ARHGAP44: variants seen among roughly 807,000 people sequenced by gnomAD.
ARHGAP44 encodes rho GTPase-activating protein 44.
Under a neutral mutation model 106.8 loss-of-function variants are expected in ARHGAP44, and 43 were observed. That is an observed-to-expected ratio of 0.40 (90% confidence interval 0.32 to 0.52). The LOEUF (loss-of-function observed/expected upper bound fraction) is 0.52. Among genes scored for constraint, ARHGAP44 ranks in the 20% least tolerant of loss-of-function variants. ARHGAP44 has a pLI of 0.48. For synonymous variants in ARHGAP44, 439 were observed against 410.3 expected, an observed-to-expected ratio of 1.07 and a Z score of -0.85; for missense variants, 866 against 1,050.5, an observed-to-expected ratio of 0.82 and a Z score of 2.43.
chr17:12,811,875 A>C (rs1011008275), intron 1 of ARHGAP44, among the ~76,000 whole-genome samples: 19 of 152,100 alleles, frequency 1.2e-4, no homozygotes, highest in Admixed American at 3.9e-4. Context: ...CTCCTCTTAA[A>C]AGGGCATATA....
At position 12,974,259 on chromosome 17, in the gene ARHGAP44, C is replaced by G. The variant is rs2039610833; in HGVS notation, c.1712C>G (p.Pro571Arg). The change falls in exon 18 of 21, where the codon CCC (proline) becomes CGC (arginine). Residue 571 changes from proline to arginine, a missense_variant. Around this residue, in one of 2 missense-constraint regions of ARHGAP44, gnomAD observed 418 missense variants for 403.6 expected, o/e 1.04. Coordinates refer to ENST00000379672, the MANE Select transcript of ARHGAP44 (RefSeq NM_014859.6). ...CAGCCCCTGGACAGCCCCGCGGCCC[C>G]CGCGCTCTCTCCATCCGGCCTGGGC... ...PEQPLDSPAAPALSPSGLGLQ... is the reference protein window; with the variant it reads ...PEQPLDSPAARALSPSGLGLQ... 6.6e-7 allele frequency: 1 copy of G among 1,512,122 alleles called. No homozygotes were observed. Among genetic ancestry groups the G allele is most frequent in the Non-Finnish European group, 8.8e-7 (1 of 1,132,676 alleles). The allele number at this position is 1,512,122 out of a possible 1,614,324, so 93.7% of individuals were successfully genotyped here.
At chr17:12,923,473 T>A (rs1406597861) in intron 6 of ARHGAP44, among the ~76,000 whole-genome samples, 2 of 152,172 alleles carry the variant, frequency 1.3e-5, no homozygotes, top group Non-Finnish European at 2.9e-5. Flanking sequence ...TGCCTCAGCA[T>A]CCCAAAGTGC....
At chr17:12,960,167 A>C in intron 16 of ARHGAP44, among the ~76,000 whole-genome samples, 1 of 152,210 alleles carries the variant, frequency 6.6e-6, no homozygotes, top group Non-Finnish European at 1.5e-5. Context: ...TGTGTGCGCT[A>C]TGCTGGTGTT....
chr17:12,802,759 T>A (rs1397496053), intron 1 of ARHGAP44, among the ~76,000 whole-genome samples: 3 of 125,004 alleles, frequency 2.4e-5, no homozygotes, highest in Non-Finnish European at 5.1e-5. Context: ...ATTTCTTTTT[T>A]TTTTTTTTTT....
chr17:12,848,261 A>G (rs2035628510), intron 1 of ARHGAP44, among the ~76,000 whole-genome samples: 1 of 152,236 alleles, frequency 6.6e-6, no homozygotes, highest in South Asian at 2.1e-4. Context: ...TATTAATAAT[A>G]TCTTTGACTC....
intron 1 of ARHGAP44, among the ~76,000 whole-genome samples, chr17:12,819,561 G>T (rs1423438413): frequency 6.7e-6 from 1 of 149,492 alleles, no homozygotes; most frequent in African/African-American, 2.5e-5. Flanking sequence ...CCATACCCTT[G>T]TCAGTATTTG....
chr17:12,842,966 C>A (rs1251948038), intron 1 of ARHGAP44, among the ~76,000 whole-genome samples: 1 of 152,136 alleles, frequency 6.6e-6, no homozygotes, highest in Non-Finnish European at 1.5e-5. Context: ...CTCCTAACTC[C>A]AAGGCTTTGC....
intron 9 of ARHGAP44, 123 bp from the exon 10 acceptor site, chr17:12,943,946 G>T: frequency 7.5e-7 from 1 of 1,332,398 alleles, no homozygotes. Flanking sequence ...CAGAATGGAG[G>T]CTCAATTGGG....
chr17:12,917,425 A>T (rs1272369667), intron 5 of ARHGAP44: 1 of 152,592 alleles, frequency 6.6e-6, no homozygotes, highest in East Asian at 1.9e-4. Context: ...GACCCCCATT[A>T]AATGTCAAAG....
At chr17:12,903,676 G>A (rs2037462957) in intron 3 of ARHGAP44, among the ~76,000 whole-genome samples, 1 of 152,134 alleles carries the variant, frequency 6.6e-6, no homozygotes, top group African/African-American at 2.4e-5. Context: ...GGTGATTTCT[G>A]ATATTTTGGT....
intron 10 of ARHGAP44, among the ~76,000 whole-genome samples, chr17:12,946,039 G>T (rs1329700305): frequency 6.6e-6 from 1 of 152,256 alleles, no homozygotes; most frequent in African/African-American, 2.4e-5. Context: ...GATTATAGGC[G>T]TGAGCCACCG....
chr17:12,895,269 AG>A (rs2037170852), intron 2 of ARHGAP44, among the ~76,000 whole-genome samples: 2 of 152,210 alleles, frequency 1.3e-5, no homozygotes, highest in Non-Finnish European at 2.9e-5. Flanking sequence ...CTTTTACGAC[AG>A]TACTTTGCAT....
intron 1 of ARHGAP44, among the ~76,000 whole-genome samples, chr17:12,870,048 C>CT (rs3074688): frequency 0.028 from 3,174 of 112,980 alleles, 279 homozygotes; most frequent in African/African-American, 0.098. Flanking sequence ...CAAATACCGT[C>CT]TTTTTTTTTT....
At chr17:12,919,388 T>TTC (rs386385700) in intron 5 of ARHGAP44, among the ~76,000 whole-genome samples, 8 of 9,178 alleles carry the variant, frequency 8.7e-4, no homozygotes, top group Admixed American at 3.4e-3. Flanking sequence ...ATAGTTCTTC[T>TTC]TTTTTTTTTT....
At chr17:12,851,028 A>G (rs1465577211) in intron 1 of ARHGAP44, among the ~76,000 whole-genome samples, 1 of 152,206 alleles carries the variant, frequency 6.6e-6, no homozygotes, top group African/African-American at 2.4e-5. Context: ...AATGAGAATA[A>G]GATGCTATGA....
At chr17:12,848,987 G>A (rs1173762390) in intron 1 of ARHGAP44, among the ~76,000 whole-genome samples, 1 of 151,622 alleles carries the variant, frequency 6.6e-6, no homozygotes, top group African/African-American at 2.4e-5. Context: ...GGTGGAGGTT[G>A]CAGTGAGCTG....
intron 1 of ARHGAP44, among the ~76,000 whole-genome samples, chr17:12,845,765 A>G (rs2035553223): frequency 6.6e-6 from 1 of 152,198 alleles, no homozygotes; most frequent in Non-Finnish European, 1.5e-5. Flanking sequence ...TTTAATTTAT[A>G]ATGTAACTGT....
chr17:12,902,188 T>C (rs1210236495), intron 3 of ARHGAP44, among the ~76,000 whole-genome samples: 1 of 152,176 alleles, frequency 6.6e-6, no homozygotes, highest in African/African-American at 2.4e-5. Context: ...TCTCTGAGCT[T>C]AGCTCTGGGC....
intron 1 of ARHGAP44, among the ~76,000 whole-genome samples, chr17:12,835,365 A>G (rs1296002374): frequency 1.3e-5 from 2 of 152,216 alleles, no homozygotes; most frequent in African/African-American, 4.8e-5. Flanking sequence ...AAGATGACTA[A>G]TAAGAAATAT....
Sources: allele counts gnomAD v4.1 joint callset (sites outside exome capture counted in the v4.1 genomes callset), GRCh38; gene constraint gnomAD v4.1.1; regional missense constraint gnomAD v4.1.1; transcripts MANE v1.5; gene names NCBI Gene and HGNC (gene_info 2026-07-23, HGNC 2026-07-21).